Variants in CHODL observed in about 807,000 individuals in gnomAD.
CHODL encodes the protein chondrolectin, also known as transmembrane protein MT75.
Under a neutral mutation model 34.5 loss-of-function variants are expected in CHODL, and 29 were observed. The observed-to-expected ratio is 0.84, with a 90% confidence interval of 0.63 to 1.15. CHODL has a LOEUF of 1.15. Among genes scored for constraint, CHODL ranks in the 50% most tolerant of loss-of-function variants. CHODL has a pLI of 0.00. For synonymous variants in CHODL, 125 were observed against 116.1 expected (o/e 1.08, Z -0.49); for missense variants, 332 against 332.5 (o/e 1.00, Z 0.01).
At chr21:18,061,815 T>A (rs1448846857) in intron 2 of CHODL, among the ~76,000 whole-genome samples, 1 of 152,172 alleles carries the variant, frequency 6.6e-6, no homozygotes, top group Non-Finnish European at 1.5e-5. Context: ...CTATGCAAGT[T>A]TAAACTTGAC....
chr21:18,179,945 A>G (rs1240884058), intron 2 of CHODL, among the ~76,000 whole-genome samples: 2 of 152,132 alleles, frequency 1.3e-5, no homozygotes, highest in African/African-American at 2.4e-5. Context: ...TATAGGGTAG[A>G]TATTAAGGGT....
chr21:18,068,707 C>A (rs1051542294), intron 2 of CHODL, among the ~76,000 whole-genome samples: 4 of 151,952 alleles, frequency 2.6e-5, no homozygotes, highest in African/African-American at 7.2e-5. Context: ...ATTCTGTCCG[C>A]TCTTGGTTAT....
chr21:18,155,641 G>T (rs369042791), intron 2 of CHODL, among the ~76,000 whole-genome samples: 1 of 152,188 alleles, frequency 6.6e-6, no homozygotes. Context: ...AGAAATACAA[G>T]GCCATTGAGT....
intron 2 of CHODL, among the ~76,000 whole-genome samples, chr21:18,039,235 C>G (rs1053753599): frequency 4.6e-5 from 7 of 151,786 alleles, no homozygotes; most frequent in African/African-American, 1.7e-4. Context: ...TTTATCAACT[C>G]TTAGATATTC....
At chr21:18,171,943 C>T (rs189121007) in intron 2 of CHODL, among the ~76,000 whole-genome samples, 27 of 152,234 alleles carry the variant, frequency 1.8e-4, no homozygotes, top group Admixed American at 1.4e-3. Context: ...TGCATACCTT[C>T]AATGCTCCAG....
intron 1 of CHODL, among the ~76,000 whole-genome samples, chr21:18,248,771 A>G (rs1352789985): frequency 8.1e-6 from 1 of 122,958 alleles, no homozygotes; most frequent in African/African-American, 3.3e-5. Flanking sequence ...TGTTATATAT[A>G]ATATATGTGT....
chr21:18,208,214 C>G (rs561902755), intron 2 of CHODL, among the ~76,000 whole-genome samples: 18 of 149,346 alleles, frequency 1.2e-4, no homozygotes, highest in Middle Eastern at 6.8e-3. Context: ...TTTCAAATAG[C>G]CTGTCTTCAA....
At chr21:17,939,741 T>G (rs1044687113) in intron 1 of CHODL, among the ~76,000 whole-genome samples, 22 of 152,300 alleles carry the variant, frequency 1.4e-4, no homozygotes, top group African/African-American at 5.3e-4. Flanking sequence ...TTAATTTGGG[T>G]TGCTTTGGAT....
At chr21:18,004,426 A>C (rs1352889003) in intron 1 of CHODL, among the ~76,000 whole-genome samples, 1 of 152,266 alleles carries the variant, frequency 6.6e-6, no homozygotes, top group Non-Finnish European at 1.5e-5. Flanking sequence ...CGTACACATC[A>C]GTTACAACAG....
intron 1 of CHODL, among the ~76,000 whole-genome samples, chr21:18,007,696 T>C (rs1394013579): frequency 6.6e-6 from 1 of 152,108 alleles, no homozygotes; most frequent in Non-Finnish European, 1.5e-5. Context: ...ATACAGCAAA[T>C]AAATGAACTA....
intron 2 of CHODL, among the ~76,000 whole-genome samples, chr21:18,211,168 ACT>A (rs199603358): frequency 7.5e-6 from 1 of 133,762 alleles, no homozygotes; most frequent in African/African-American, 2.6e-5. Context: ...ACACACACAC[ACT>A]CACACTCACA....
chr21:18,087,819 C>A (rs892093820), intron 2 of CHODL, among the ~76,000 whole-genome samples: 2 of 152,120 alleles, frequency 1.3e-5, no homozygotes, highest in African/African-American at 4.8e-5. Context: ...CCTACTACTA[C>A]AAAGACATAC....
At chr21:18,115,719 C>T (rs971991633) in intron 2 of CHODL, among the ~76,000 whole-genome samples, 1 of 152,188 alleles carries the variant, frequency 6.6e-6, no homozygotes, top group Non-Finnish European at 1.5e-5. Flanking sequence ...TCCTCTGTCT[C>T]TTTATTGAGT....
chr21:17,946,356 C>T (rs1187473104), intron 1 of CHODL, among the ~76,000 whole-genome samples: 2 of 152,058 alleles, frequency 1.3e-5, no homozygotes, highest in African/African-American at 2.4e-5. Flanking sequence ...GGGGGCGGAG[C>T]CTGCAGTGAG....
intron 2 of CHODL, among the ~76,000 whole-genome samples, chr21:18,131,721 T>C (rs564375417): frequency 1.3e-4 from 20 of 152,300 alleles, no homozygotes; most frequent in African/African-American, 4.6e-4. Flanking sequence ...GCTTGTTGTA[T>C]AGATGACAGA....
chr21:17,970,644 T>C (rs1444703159), intron 1 of CHODL, among the ~76,000 whole-genome samples: 1 of 152,188 alleles, frequency 6.6e-6, no homozygotes, highest in African/African-American at 2.4e-5. Context: ...TGGTATTTGG[T>C]TGCATGAATA....
chr21:17,975,431 G>A (rs1329076457), intron 1 of CHODL, among the ~76,000 whole-genome samples: 1 of 151,996 alleles, frequency 6.6e-6, no homozygotes, highest in Non-Finnish European at 1.5e-5. Context: ...GTATCCCTGA[G>A]CCTAAAACAA....
rs1161413086 is a variant in CHODL, at chr21:18,265,213, GTATGTGTATATATATA to G, written c.738-739_738-724del. Among the ~76,000 whole-genome samples the G allele has an allele frequency of 3.8e-3, 554 of 145,316 alleles. 2 individuals are homozygous for G. Among genetic ancestry groups the G allele is most frequent in the Non-Finnish European group, 6.2e-3 (411 of 66,686 alleles). On this transcript the variant is annotated intron_variant, in intron 5 of 5. Transcript: ENST00000299295. ...TATATACACACACACACACATATAT[GTATGTGTATATATATA>G]TGTGTGTATATATATATGTGTATAT...
At chr21:18,012,667 C>G (rs2064030422) in intron 1 of CHODL, among the ~76,000 whole-genome samples, 2 of 152,142 alleles carry the variant, frequency 1.3e-5, no homozygotes, top group Admixed American at 6.5e-5. Flanking sequence ...TCTCTTCTTA[C>G]AAAATATCTT....
Sources: gnomAD v4.1 joint callset for allele counts (sites outside exome capture counted in the v4.1 genomes callset) on GRCh38, gnomAD v4.1.1 for gene constraint, MANE v1.5 for transcripts, NCBI Gene and HGNC (gene_info 2026-07-23, HGNC 2026-07-21) for gene names.